Variants in DYNC2H1 observed in about 807,000 individuals in gnomAD.
DYNC2H1 encodes dynein cytoplasmic 2 heavy chain 1.
In DYNC2H1, 410 loss-of-function variants were observed where a neutral mutation model predicts 570.0. That is an observed-to-expected ratio of 0.72 (90% confidence interval 0.66 to 0.78). DYNC2H1 has a LOEUF of 0.78. Ranked by LOEUF, DYNC2H1 falls within the 30% of genes least tolerant of loss-of-function variation. The pLI is 0.00. For missense variants in DYNC2H1, 4,865 were observed against 5,046.4 expected (o/e 0.96, Z 1.09); for synonymous variants, 1,688 against 1,677.6 (o/e 1.01, Z -0.15).
chr11:103,441,816 TAAAA>T (rs933458603), intron 85 of DYNC2H1, among the ~76,000 whole-genome samples: 2 of 152,194 alleles, frequency 1.3e-5, no homozygotes, highest in Non-Finnish European at 2.9e-5. Flanking sequence ...ATCTCAAATG[TAAAA>T]AGCAATTTAT....
intron 52 of DYNC2H1, among the ~76,000 whole-genome samples, chr11:103,206,851 A>G (rs980237350): frequency 1.3e-5 from 2 of 151,916 alleles, no homozygotes; most frequent in Non-Finnish European, 2.9e-5. Context: ...ATGTGGGTAC[A>G]CTCTTTTAAG....
At chr11:103,274,774 A>T (rs968009294) in intron 70 of DYNC2H1, among the ~76,000 whole-genome samples, 2 of 152,020 alleles carry the variant, frequency 1.3e-5, no homozygotes, top group African/African-American at 4.8e-5. Flanking sequence ...AATTGCTTAG[A>T]TCTGTTATGT....
intron 84 of DYNC2H1, among the ~76,000 whole-genome samples, chr11:103,411,607 T>G (rs1180614459): frequency 6.6e-6 from 1 of 152,110 alleles, no homozygotes; most frequent in African/African-American, 2.4e-5. Context: ...TTAGATTATG[T>G]TGAAAGATAA....
chr11:103,118,094 A>C (rs1233758253), intron 6 of DYNC2H1, among the ~76,000 whole-genome samples: 3 of 152,136 alleles, frequency 2.0e-5, no homozygotes, highest in Non-Finnish European at 4.4e-5. Context: ...TATTGTAAAA[A>C]GATAATCAGC....
At chr11:103,343,320 A>C (rs990059909) in intron 82 of DYNC2H1, among the ~76,000 whole-genome samples, 1 of 152,174 alleles carries the variant, frequency 6.6e-6, no homozygotes, top group Non-Finnish European at 1.5e-5. Context: ...CCTGTCAGAC[A>C]AACTTCCTCC....
chr11:103,337,246 C>T (rs193269381), intron 82 of DYNC2H1, among the ~76,000 whole-genome samples: 9 of 152,298 alleles, frequency 5.9e-5, no homozygotes, highest in Admixed American at 1.3e-4. Flanking sequence ...CAATGCTTAT[C>T]ACTGGCTTGC....
intron 84 of DYNC2H1, among the ~76,000 whole-genome samples, chr11:103,428,074 A>C (rs1943736456): frequency 6.6e-6 from 1 of 151,920 alleles, no homozygotes; most frequent in Admixed American, 6.6e-5. Context: ...ACCCAGAAAT[A>C]ACCTTTAATC....
At chr11:103,148,914 G>A (rs561562469) in intron 20 of DYNC2H1, among the ~76,000 whole-genome samples, 19 of 152,148 alleles carry the variant, frequency 1.2e-4, no homozygotes, top group African/African-American at 3.9e-4. Flanking sequence ...AAAATTAGCC[G>A]GTTGTGGTGG....
intron 62 of DYNC2H1, 107 bp from the exon 63 acceptor site, chr11:103,236,323 G>A: frequency 1.4e-6 from 1 of 710,300 alleles, no homozygotes; most frequent in East Asian, 2.9e-5. Flanking sequence ...TGGGTTTCAA[G>A]TAAGGACTGT....
At chr11:103,114,298 T>A in intron 3 of DYNC2H1, 60 bp downstream of exon 3, 14 of 1,422,632 alleles carry the variant, frequency 9.8e-6, no homozygotes, top group Non-Finnish European at 1.3e-5. Flanking sequence ...AATACATTAG[T>A]AAATGAACAT....
At chr11:103,263,357 C>T (rs1047137251) in intron 70 of DYNC2H1, among the ~76,000 whole-genome samples, 2 of 152,036 alleles carry the variant, frequency 1.3e-5, no homozygotes, top group Non-Finnish European at 2.9e-5. Flanking sequence ...CCAAGCGGAC[C>T]TAACTCCACC....
chr11:103,459,608 G>A (rs994168871), intron 87 of DYNC2H1, among the ~76,000 whole-genome samples: 1 of 152,042 alleles, frequency 6.6e-6, no homozygotes, highest in African/African-American at 2.4e-5. Flanking sequence ...TTACCAACAA[G>A]CTAGATCTTT....
At chr11:103,127,145 A>G (rs548900019) in intron 12 of DYNC2H1, among the ~76,000 whole-genome samples, 1 of 152,266 alleles carries the variant, frequency 6.6e-6, no homozygotes, top group Admixed American at 6.5e-5. Context: ...TGTTTTTCTC[A>G]AGTACACAGA....
intron 66 of DYNC2H1, among the ~76,000 whole-genome samples, chr11:103,255,046 C>T (rs1864996276): frequency 6.6e-6 from 1 of 152,262 alleles, no homozygotes; most frequent in African/African-American, 2.4e-5. Flanking sequence ...GCTGGGATTA[C>T]AGGCGTGAGC....
intron 84 of DYNC2H1, among the ~76,000 whole-genome samples, chr11:103,427,270 A>T (rs1943707194): frequency 6.6e-6 from 1 of 152,216 alleles, no homozygotes. Context: ...ATGTAATAGC[A>T]TGAAGACATG....
chr11:103,207,026 A>G (rs1375503773), intron 52 of DYNC2H1, among the ~76,000 whole-genome samples: 2 of 151,850 alleles, frequency 1.3e-5, no homozygotes, highest in Non-Finnish European at 2.9e-5. Context: ...GCTTCATGCG[A>G]TTCTTCTGCC....
Position 103,261,806 on chromosome 11 carries a change from C to A in DYNC2H1, c.10695+1829C>A, listed in dbSNP as rs1865303006. On this transcript the variant is annotated intron_variant, in intron 70 of 88. Transcript: ENST00000375735. The surrounding 1 kb of genome is among the most constrained non-coding windows in gnomAD (Gnocchi z 4.8). ...ATGCCTCTTTTTCTCCAAAGGATCA[C>A]AACTCCTTGCCAGCAAGGGAACAAA... is the stretch of plus-strand genomic sequence containing the variant. Among the ~76,000 whole-genome samples the A allele has an allele frequency of 6.6e-6, 1 of 152,198 alleles. No homozygotes were observed.
chr11:103,419,731 C>T (rs991701427), intron 84 of DYNC2H1, among the ~76,000 whole-genome samples: 49 of 152,264 alleles, frequency 3.2e-4, no homozygotes, highest in African/African-American at 1.1e-3. Flanking sequence ...CTCTTCTCCT[C>T]CAAATGACTG....
rs557628132 is a variant in DYNC2H1, at chr11:103,140,228, T to C, written c.2575-3040T>C. Reference sequence around the variant, plus strand: ...ATATTCACATTTAAAGTTAATATTGTTATGTGTGAATTTGATCCTGTCATT... The same window carrying C: ...ATATTCACATTTAAAGTTAATATTGCTATGTGTGAATTTGATCCTGTCATT... On this transcript the variant is annotated intron_variant, in intron 17 of 88. Transcript: ENST00000375735. 3.3e-5 allele frequency among the ~76,000 whole-genome samples: 5 copies of C among 152,334 alleles called. No individual in the cohort carries two copies. The South Asian group carries it at 1.0e-3, about 32-fold the overall frequency.
Sources: gnomAD v4.1 joint callset for allele counts (sites outside exome capture counted in the v4.1 genomes callset) on GRCh38, gnomAD v4.1.1 for gene constraint, Gnocchi (gnomAD v3.1) non-coding constraint, MANE v1.5 for transcripts, NCBI Gene and HGNC (gene_info 2026-07-23, HGNC 2026-07-21) for gene names.